CADPS2: variants seen among roughly 807,000 people sequenced by gnomAD.
The protein encoded by CADPS2 is calcium-dependent secretion activator 2.
In CADPS2, 93 loss-of-function variants were observed where a neutral mutation model predicts 172.5. That is an observed-to-expected ratio of 0.54 (90% CI 0.46 to 0.64). CADPS2 has a LOEUF of 0.64. Among genes scored for constraint, CADPS2 ranks in the 30% least tolerant of loss-of-function variants. CADPS2 has a pLI of 0.00. For synonymous variants in CADPS2, 546 were observed against 555.2 expected (o/e 0.98, Z 0.23); for missense variants, 1,420 against 1,565.9 (o/e 0.91, Z 1.57).
At chr7:122,337,758 GAA>G (rs372572074) in intron 28 of CADPS2, among the ~76,000 whole-genome samples, 8 of 134,448 alleles carry the variant, frequency 6.0e-5, no homozygotes, top group Admixed American at 7.5e-5. Context: ...AAACTTTAAG[GAA>G]AAAAAAAAAA....
chr7:122,564,822 CACAG>C (rs1786251126), intron 7 of CADPS2, among the ~76,000 whole-genome samples: 1 of 137,106 alleles, frequency 7.3e-6, no homozygotes, highest in African/African-American at 2.8e-5. Flanking sequence ...TATGTGTGTA[CACAG>C]ACACACACAT....
Position 122,395,291 on chromosome 7 carries a change from T to C in CADPS2, c.2747-1709A>G, listed in dbSNP as rs146517470. Among the ~76,000 whole-genome samples, 38 of 152,314 alleles carry C rather than the reference T, an allele frequency of 2.5e-4. 1 individual carries two copies. In the East Asian group the frequency reaches 7.1e-3, roughly 29 times the overall value. On this transcript the variant is annotated intron_variant, in intron 20 of 29. Transcript: ENST00000449022. Reference sequence around the variant, plus strand: ...GTAATTCTAAACACAGAAGGAAATATAACAGATTTTTTTTTCTACCTCTAA... The same window carrying C: ...GTAATTCTAAACACAGAAGGAAATACAACAGATTTTTTTTTCTACCTCTAA...
chr7:122,732,879 C>CATTATATAT (rs2091815410), intron 2 of CADPS2, among the ~76,000 whole-genome samples: 3 of 140,802 alleles, frequency 2.1e-5, no homozygotes, highest in Non-Finnish European at 4.6e-5. Flanking sequence ...ATTATATATG[C>CATTATATAT]TATGTATAAT....
In CADPS2 at chr7:122,680,199, A is replaced by G. The variant is rs533088850; in HGVS notation, c.454-16630T>C. 3.9e-5 allele frequency among the ~76,000 whole-genome samples: 6 copies of G among 152,384 alleles called. No individual in the cohort carries two copies. The East Asian group carries it at 7.7e-4, about 20-fold the overall frequency. On this transcript the variant is annotated intron_variant, in intron 2 of 29. Transcript: ENST00000449022. Reference sequence around the variant, plus strand: ...CTAATCCATGAATTCCAAAGATTTGAAAAACACTCGTTTAAACAATCCCAT... The same window carrying G: ...CTAATCCATGAATTCCAAAGATTTGGAAAACACTCGTTTAAACAATCCCAT...
At chr7:122,485,543 A>T (rs534903256) in intron 11 of CADPS2, among the ~76,000 whole-genome samples, 1 of 152,222 alleles carries the variant, frequency 6.6e-6, no homozygotes, top group Admixed American at 6.5e-5. Context: ...AAGCCTCTGC[A>T]AACTGTGAAG....
intron 1 of CADPS2, among the ~76,000 whole-genome samples, chr7:122,779,543 G>T (rs566204375): frequency 5.3e-5 from 8 of 152,270 alleles, no homozygotes; most frequent in Non-Finnish European, 8.8e-5. Flanking sequence ...AATAAATTCT[G>T]CCCAGAGTGG....
At chr7:122,564,137 T>C (rs1264843445) in intron 7 of CADPS2, among the ~76,000 whole-genome samples, 1 of 152,158 alleles carries the variant, frequency 6.6e-6, no homozygotes, top group Non-Finnish European at 1.5e-5. Flanking sequence ...AGGTGAGCTC[T>C]TGTTCTTCAT....
intron 1 of CADPS2, among the ~76,000 whole-genome samples, chr7:122,818,065 C>T (rs1215306406): frequency 1.3e-5 from 2 of 148,624 alleles, no homozygotes; most frequent in Non-Finnish European, 3.0e-5. Context: ...AACCTCTTAT[C>T]TCTGCACCCC....
intron 2 of CADPS2, among the ~76,000 whole-genome samples, chr7:122,667,137 T>C (rs1356687051): frequency 6.6e-6 from 1 of 152,214 alleles, no homozygotes; most frequent in Admixed American, 6.5e-5. Flanking sequence ...CTCTAACTGA[T>C]ACAAAAATAC....
chr7:122,535,931 T>G (rs923465181), intron 8 of CADPS2, among the ~76,000 whole-genome samples: 1 of 152,068 alleles, frequency 6.6e-6, no homozygotes, highest in Non-Finnish European at 1.5e-5. Flanking sequence ...GAGGAAACCC[T>G]AGACTATTAG....
intron 1 of CADPS2, among the ~76,000 whole-genome samples, chr7:122,815,458 A>C (rs1245263091): frequency 1.3e-5 from 2 of 152,212 alleles, no homozygotes; most frequent in Admixed American, 6.5e-5. Flanking sequence ...AATTTGTAAC[A>C]AAAGATCAAA....
At chr7:122,470,994 G>A (rs2055852508) in intron 14 of CADPS2, among the ~76,000 whole-genome samples, 1 of 152,138 alleles carries the variant, frequency 6.6e-6, no homozygotes, top group Non-Finnish European at 1.5e-5. Context: ...GAAAAGCAAT[G>A]ATCATTAGTT....
intron 2 of CADPS2, among the ~76,000 whole-genome samples, chr7:122,731,907 T>G (rs1242366257): frequency 1.3e-5 from 2 of 151,794 alleles, no homozygotes; most frequent in Non-Finnish European, 1.5e-5. Context: ...ACTGTGTGTG[T>G]GAGAATATTG....
intron 2 of CADPS2, among the ~76,000 whole-genome samples, chr7:122,716,747 G>C (rs1484874662): frequency 1.3e-5 from 2 of 152,096 alleles, no homozygotes; most frequent in African/African-American, 4.8e-5. Flanking sequence ...TCATCTACCA[G>C]GTAAATCATG....
At chr7:122,549,603 AGAGT>A (rs978335065) in intron 8 of CADPS2, among the ~76,000 whole-genome samples, 34 of 151,092 alleles carry the variant, frequency 2.3e-4, no homozygotes, top group South Asian at 1.0e-3. Context: ...CCTGGGCGAC[AGAGT>A]GAGACTCTGT....
At chr7:122,823,720 T>C (rs1282514139) in intron 1 of CADPS2, among the ~76,000 whole-genome samples, 2 of 152,208 alleles carry the variant, frequency 1.3e-5, no homozygotes, top group African/African-American at 4.8e-5. Flanking sequence ...CACTGAGAGT[T>C]AACTCAGAAA....
At chr7:122,560,169 T>A (rs1351253961) in intron 7 of CADPS2, among the ~76,000 whole-genome samples, 2 of 152,034 alleles carry the variant, frequency 1.3e-5, no homozygotes, top group Admixed American at 1.3e-4. Context: ...ATCAGGTAAG[T>A]TGGGCAAAAT....
chr7:122,609,780 A>C (rs1478808629), intron 6 of CADPS2, among the ~76,000 whole-genome samples: 1 of 152,198 alleles, frequency 6.6e-6, no homozygotes, highest in African/African-American at 2.4e-5. Flanking sequence ...GGACTAAATA[A>C]GGCACTATAA....
At chr7:122,586,094 T>C (rs2069641410) in intron 6 of CADPS2, among the ~76,000 whole-genome samples, 1 of 151,970 alleles carries the variant, frequency 6.6e-6, no homozygotes, top group African/African-American at 2.4e-5. Context: ...TGCTACTTTA[T>C]AATGATGGCT....
Sources: gnomAD v4.1 joint callset for allele counts (sites outside exome capture counted in the v4.1 genomes callset) on GRCh38, gnomAD v4.1.1 for gene constraint, MANE v1.5 for transcripts, NCBI Gene and HGNC (gene_info 2026-07-23, HGNC 2026-07-21) for gene names.